Variants in CAMK1G observed in about 807,000 individuals in gnomAD.
The protein encoded by CAMK1G is calcium/calmodulin-dependent protein kinase type 1G.
Under a neutral mutation model 54.8 loss-of-function variants are expected in CAMK1G, and 27 were observed. That is an observed-to-expected ratio of 0.49 (90% CI 0.36 to 0.68). The LOEUF (loss-of-function observed/expected upper bound fraction) is 0.68, where lower values mean the gene tolerates loss of function less well. CAMK1G is among the 30% of genes least tolerant of loss of function. CAMK1G has a pLI of 0.00. For missense variants in CAMK1G, 512 were observed against 591.0 expected, an observed-to-expected ratio of 0.87 and a Z score of 1.39; for synonymous variants, 238 against 224.9, an observed-to-expected ratio of 1.06 and a Z score of -0.52.
chr1:209,594,742 A>T (rs937219428), intron 1 of CAMK1G, among the ~76,000 whole-genome samples: 2 of 152,258 alleles, frequency 1.3e-5, no homozygotes, highest in African/African-American at 4.8e-5. Flanking sequence ...AGCATAGTGC[A>T]CATGTAGTAG....
chr1:209,586,295 C>T (rs1476993086), intron 1 of CAMK1G, among the ~76,000 whole-genome samples: 1 of 151,044 alleles, frequency 6.6e-6, no homozygotes, highest in Admixed American at 6.6e-5. Context: ...TAGAAAAGTG[C>T]CCCAGTGGAG....
intron 1 of CAMK1G, 28 bp from the exon 2 acceptor site, chr1:209,594,924 TCTC>T: frequency 7.1e-7 from 1 of 1,416,480 alleles, no homozygotes; most frequent in Non-Finnish European, 9.8e-7. Context: ...AGACCTTTTT[TCTC>T]CTCCTTCTCC....
intron 1 of CAMK1G, among the ~76,000 whole-genome samples, chr1:209,588,727 G>A (rs184239750): frequency 1.8e-3 from 271 of 152,272 alleles, no homozygotes; most frequent in Non-Finnish European, 3.3e-3. Flanking sequence ...GTTCCATCTC[G>A]GGCTAGTGGT....
At chr1:209,598,466 T>A (rs1272779824) in intron 2 of CAMK1G, among the ~76,000 whole-genome samples, 1 of 152,204 alleles carries the variant, frequency 6.6e-6, no homozygotes, top group African/African-American at 2.4e-5. Context: ...ATGAATTGAC[T>A]CTGTAGTGGC....
At chr1:209,586,441 T>C (rs1223274989) in intron 1 of CAMK1G, among the ~76,000 whole-genome samples, 3 of 152,276 alleles carry the variant, frequency 2.0e-5, no homozygotes, top group East Asian at 3.9e-4. Flanking sequence ...AAAAATCATA[T>C]ATCTTTAAAC....
chr1:209,587,447 A>T (rs934318639), intron 1 of CAMK1G, among the ~76,000 whole-genome samples: 4 of 152,168 alleles, frequency 2.6e-5, no homozygotes, highest in Non-Finnish European at 5.9e-5. Flanking sequence ...GAAATTTGGG[A>T]AATGCCAGAT....
In CAMK1G at chr1:209,612,854, T is replaced by A. The variant is rs907909674; in HGVS notation, c.1410T>A (p.Thr470=). 4 of 1,612,922 alleles carry A rather than the reference T, an allele frequency of 2.5e-6. No homozygotes were observed. Among genetic ancestry groups the A allele is most frequent in the Non-Finnish European group, 3.4e-6 (4 of 1,178,972 alleles). ...SGSSHCRAGQ[T]GVCLIM is the part of the protein sequence containing the mutation. ...GCTCCCACTGCCGGGCAGGGCAGACTGGAGTCTGTCTCATTATGTGATTCC... is the reference window on the plus strand; with the variant it reads ...GCTCCCACTGCCGGGCAGGGCAGACAGGAGTCTGTCTCATTATGTGATTCC... The change falls in exon 12 of 13, where the codon ACT becomes ACA. Residue 470 remains threonine, a synonymous_variant. Coordinates refer to ENST00000361322, the MANE Select transcript of CAMK1G (RefSeq NM_020439.3).
chr1:209,598,253 G>T (rs983834740), intron 2 of CAMK1G, among the ~76,000 whole-genome samples: 1 of 152,168 alleles, frequency 6.6e-6, no homozygotes, highest in Non-Finnish European at 1.5e-5. Flanking sequence ...AGACTGCTAG[G>T]TTCTCTCTTT....
rs545313758 is a variant in CAMK1G, at chr1:209,592,075, G to T, written c.-29-2880G>T. Among the ~76,000 whole-genome samples the T allele has an allele frequency of 1.1e-4, 17 of 152,248 alleles. No individual in the cohort carries two copies. The South Asian group carries it at 3.5e-3, about 32-fold the overall frequency. The stretch of plus-strand genomic sequence containing the variant: ...TAAATATTCCTATTAGGCTGGGATT[G>T]ATGGCTTATACCTGTAATCCCAGCA... On this transcript the variant is annotated intron_variant, in intron 1 of 12. Coordinates refer to ENST00000361322, the MANE Select transcript of CAMK1G (RefSeq NM_020439.3).
chr1:209,594,720 G>A (rs1365745929), intron 1 of CAMK1G, among the ~76,000 whole-genome samples: 2 of 152,236 alleles, frequency 1.3e-5, no homozygotes, highest in Non-Finnish European at 2.9e-5. Context: ...GCCCTGATGT[G>A]AGCATGCAGC....
At chr1:209,598,296 G>C (rs1317708995) in intron 2 of CAMK1G, among the ~76,000 whole-genome samples, 1 of 152,190 alleles carries the variant, frequency 6.6e-6, no homozygotes, top group Non-Finnish European at 1.5e-5. Flanking sequence ...TGAATGAGAG[G>C]TTGCTCAGCA....
chr1:209,593,908 G>A (rs944387950), intron 1 of CAMK1G, among the ~76,000 whole-genome samples: 28 of 151,962 alleles, frequency 1.8e-4, no homozygotes, highest in African/African-American at 2.7e-4. Flanking sequence ...TTTATTGTCC[G>A]CCCCTGCCTG....
At chr1:209,607,801 A>C (rs1665687837) in intron 6 of CAMK1G, 57 bp from the exon 7 acceptor site, 1 of 1,475,038 alleles carries the variant, frequency 6.8e-7, no homozygotes, top group African/African-American at 1.4e-5. Context: ...TTCAGCTCCC[A>C]CCCCAAAGCC....
At chr1:209,584,835 C>A (rs1665053824) in intron 1 of CAMK1G, among the ~76,000 whole-genome samples, 1 of 152,156 alleles carries the variant, frequency 6.6e-6, no homozygotes. Flanking sequence ...CAAGCTTAAC[C>A]AGAACCAAAG....
chr1:209,606,259 G>A (rs537943615), intron 5 of CAMK1G, 61 bp from the exon 6 acceptor site: 1 of 1,585,928 alleles, frequency 6.3e-7, no homozygotes, highest in African/African-American at 1.3e-5. Context: ...TTGTATCAAG[G>A]GGAAGGAAAA....
intron 1 of CAMK1G, among the ~76,000 whole-genome samples, chr1:209,591,935 T>C (rs1665263932): frequency 6.6e-6 from 1 of 152,126 alleles, no homozygotes; most frequent in Non-Finnish European, 1.5e-5. Context: ...CTACATCCCC[T>C]CATAGGGCCA....
Position 209,603,278 on chromosome 1 carries a change from G to A in CAMK1G, c.286G>A (p.Val96Ile). 1 of 1,613,790 alleles carries A rather than the reference G, an allele frequency of 6.2e-7. No individual in the cohort carries two copies. Among genetic ancestry groups the A allele is most frequent in the Non-Finnish European group, 8.5e-7 (1 of 1,179,742 alleles). Residue 96 changes from valine to isoleucine, a missense_variant, in exon 4 of 13, where the codon GTC (valine) becomes ATC (isoleucine). Physicochemically the swap from Val to Ile is conservative, Grantham distance 29. Transcript: ENST00000361322. ...IYESTTHYYL[V>I]MQLVSGGELF... ...TGAGAGCACCACCCACTACTACCTG[G>A]TCATGCAGCTGTAAGTAAAAGGTGA...
At chr1:209,603,321 G>A (rs1292695592) in intron 4 of CAMK1G, 33 bp downstream of exon 4, 3 of 1,566,032 alleles carry the variant, frequency 1.9e-6, no homozygotes, top group Non-Finnish European at 2.6e-6. Context: ...CCTTCACAGA[G>A]GCCTGGTGGG....
intron 9 of CAMK1G, among the ~76,000 whole-genome samples, chr1:209,610,916 T>C (rs1665765477): frequency 6.6e-6 from 1 of 151,996 alleles, no homozygotes; most frequent in South Asian, 2.1e-4. Context: ...GCTAAGGGGA[T>C]AGGAAAGGGG....
Sources: gnomAD v4.1 joint callset for allele counts (sites outside exome capture counted in the v4.1 genomes callset) on GRCh38, gnomAD v4.1.1 for gene constraint, MANE v1.5 for transcripts, NCBI Gene and HGNC (gene_info 2026-07-23, HGNC 2026-07-21) for gene names.